CACNA1D: variants seen among roughly 807,000 people sequenced by gnomAD.
CACNA1D encodes calcium voltage-gated channel subunit alpha1 D.
Under a neutral mutation model 257.1 loss-of-function variants are expected in CACNA1D, and 55 were observed. That is an observed-to-expected ratio of 0.21 (90% CI 0.17 to 0.27). The LOEUF (loss-of-function observed/expected upper bound fraction) is 0.27. Ranked by LOEUF, CACNA1D falls within the 10% of genes least tolerant of loss-of-function variation. The pLI, the probability that CACNA1D is intolerant of heterozygous loss-of-function variation, is 1.00. For synonymous variants in CACNA1D, 980 were observed against 1,014.9 expected, an observed-to-expected ratio of 0.97 and a Z score of 0.65; for missense variants, 1,876 against 2,784.0, an observed-to-expected ratio of 0.67 and a Z score of 7.34.
chr3:53,793,557 G>A lies in CACNA1D; in HGVS notation c.4923+6605G>A, dbSNP rs1239475450. Among the ~76,000 whole-genome samples, 8 of 152,290 alleles carry A rather than the reference G, an allele frequency of 5.3e-5. No individual in the cohort carries two copies. The highest frequency in any genetic ancestry group is 4.2e-4 in the South Asian group (2 of 4,818). ...CGGCGTTTCCATGTGCCTTCTCCAC[G>A]CTCCTCAAATAAGTAAAAACTGACA... is the stretch of plus-strand genomic sequence containing the variant. On this transcript the variant is annotated intron_variant, in intron 40 of 47. Coordinates refer to ENST00000350061, the MANE Select transcript of CACNA1D (RefSeq NM_001128840.3). The surrounding 1 kb of genome is among the most constrained non-coding windows in gnomAD (Gnocchi z 4.1).
At chr3:53,808,272 G>A (rs1199048955) in intron 45 of CACNA1D, 1 of 267,816 alleles carries the variant, frequency 3.7e-6, no homozygotes, top group Non-Finnish European at 7.3e-6. Context: ...ATAGTAGCCG[G>A]GCGTGGTGGC....
chr3:53,674,438 C>T (rs2094354272), intron 8 of CACNA1D, among the ~76,000 whole-genome samples: 2 of 152,192 alleles, frequency 1.3e-5, no homozygotes, highest in South Asian at 2.1e-4. Context: ...GAGTGATGAT[C>T]GACTTTTGTG....
Position 53,745,744 on chromosome 3 carries a change from C to T in CACNA1D, c.3114+13C>T, listed in dbSNP as rs2095162115. ...CCAGTTGTTCAAGGTAGAGGAACTG[C>T]CTCCAAGCATAAAACTCAGGTGGAT... On this transcript the variant is annotated intron_variant, in intron 24 of 47. Coordinates refer to ENST00000350061, the MANE Select transcript of CACNA1D (RefSeq NM_001128840.3). The T allele has an allele frequency of 6.2e-7, 1 of 1,601,548 alleles. No homozygotes were observed.
intron 3 of CACNA1D, among the ~76,000 whole-genome samples, chr3:53,583,872 C>T (rs2093171360): frequency 6.6e-6 from 1 of 152,142 alleles, no homozygotes; most frequent in Non-Finnish European, 1.5e-5. Context: ...GAAGAGTGGG[C>T]CCCTTCATAG....
intron 3 of CACNA1D, among the ~76,000 whole-genome samples, chr3:53,513,148 C>T (rs914974209): frequency 6.6e-6 from 1 of 152,160 alleles, no homozygotes; most frequent in African/African-American, 2.4e-5. Flanking sequence ...GCCTTTGTTA[C>T]TAGCTGACAT....
chr3:53,665,531 G>A (rs2094252945), intron 5 of CACNA1D, 129 bp from the exon 6 acceptor site: 1 of 757,556 alleles, frequency 1.3e-6, no homozygotes, highest in Middle Eastern at 2.4e-4. Flanking sequence ...TTAATGAAAA[G>A]CTTTGAAATA....
chr3:53,583,301 G>T (rs531629910), intron 3 of CACNA1D, among the ~76,000 whole-genome samples: 1 of 151,804 alleles, frequency 6.6e-6, no homozygotes, highest in African/African-American at 2.4e-5. Flanking sequence ...TCCAATGTCC[G>T]TCTTCCTGCC....
chr3:53,803,069 G>A (rs538820088), intron 43 of CACNA1D, among the ~76,000 whole-genome samples: 1 of 152,168 alleles, frequency 6.6e-6, no homozygotes, highest in Non-Finnish European at 1.5e-5. Flanking sequence ...GGAGGGATCA[G>A]AGCAGATGCC....
chr3:53,672,758 CTGTGTGTGTG>C (rs57956658), intron 7 of CACNA1D, among the ~76,000 whole-genome samples: 6,874 of 95,012 alleles, frequency 0.072, 297 homozygotes, highest in East Asian at 0.12. Context: ...CTTGATGACT[CTGTGTGTGTG>C]TGTGTGTGTG....
At chr3:53,780,300 G>A (rs908337058) in intron 38 of CACNA1D, among the ~76,000 whole-genome samples, 172 bp downstream of exon 38, 1 of 152,218 alleles carries the variant, frequency 6.6e-6, no homozygotes, top group Non-Finnish European at 1.5e-5. Flanking sequence ...CCTGCCTCCT[G>A]TTTCCTCATC....
chr3:53,655,242 T>C (rs2108298264), intron 4 of CACNA1D, among the ~76,000 whole-genome samples: 1 of 152,346 alleles, frequency 6.6e-6, no homozygotes, highest in Non-Finnish European at 1.5e-5. Flanking sequence ...GTTGATTCCA[T>C]GTCTTTGCTA....
intron 19 of CACNA1D, among the ~76,000 whole-genome samples, chr3:53,734,415 T>G (rs749182664): frequency 6.6e-5 from 10 of 152,072 alleles, no homozygotes; most frequent in African/African-American, 1.7e-4. Flanking sequence ...TTTAAATATA[T>G]GTGTATACAT....
chr3:53,753,583 G>T lies in CACNA1D; in HGVS notation c.3687G>T (p.Gln1229His). ...TLCLAMQHYE[Q>H]SKMFNDAMDI... is the part of the protein sequence containing the mutation. ...GTCTTCATCCATAGCACTACGAGCA[G>T]TCCAAGATGTTCAATGATGCCATGG... Residue 1229 changes from glutamine (Q) to histidine (H), a missense_variant, in exon 29 of 48, where the codon CAG becomes CAT. Around this residue, in one of 10 missense-constraint regions of CACNA1D, gnomAD observed 204 missense variants for 309.4 expected, o/e 0.66. Coordinates refer to ENST00000350061, the MANE Select transcript of CACNA1D (RefSeq NM_001128840.3). 1 of 1,606,674 alleles carries T rather than the reference G, an allele frequency of 6.2e-7. No individual in the cohort carries two copies. Among genetic ancestry groups the T allele is most frequent in the Non-Finnish European group, 8.5e-7 (1 of 1,173,158 alleles).
At chr3:53,649,245 G>C (rs1469109373) in intron 3 of CACNA1D, among the ~76,000 whole-genome samples, 1 of 152,072 alleles carries the variant, frequency 6.6e-6, no homozygotes, top group African/African-American at 2.4e-5. Flanking sequence ...CAGGCTTATG[G>C]GAATCATCCT....
intron 39 of CACNA1D, 106 bp from the exon 40 acceptor site, chr3:53,786,716 C>CA: frequency 1.5e-5 from 8 of 540,388 alleles, no homozygotes; most frequent in East Asian, 4.4e-5. Context: ...CCGGACCGCC[C>CA]ACCCGCCCCA....
chr3:53,684,621 C>CAAAAAAAAAAAAAAAAAA (rs60026644), intron 8 of CACNA1D, among the ~76,000 whole-genome samples: 1 of 84,508 alleles, frequency 1.2e-5, no homozygotes, highest in Non-Finnish European at 2.3e-5. Flanking sequence ...GAAACTCTGT[C>CAAAAAAAAAAAAAAAAAA]AAAAAAAAAA....
At position 53,509,185 on chromosome 3, in the gene CACNA1D, C is replaced by G. The variant is rs528226403; in HGVS notation, c.483+7465C>G. Among the ~76,000 whole-genome samples the G allele has an allele frequency of 4.6e-5, 7 of 150,700 alleles. No homozygotes were observed. The South Asian group carries it at 1.5e-3, about 31-fold the overall frequency. ...AGGGTGTTTGGCTGGGCAGGCAAAGCCGGAAATGGGTGGTATGGAGGAAGA... is the reference window on the plus strand; with the variant it reads ...AGGGTGTTTGGCTGGGCAGGCAAAGGCGGAAATGGGTGGTATGGAGGAAGA... On this transcript the variant is annotated intron_variant, in intron 3 of 47. Transcript: ENST00000350061.
intron 3 of CACNA1D, among the ~76,000 whole-genome samples, chr3:53,641,055 C>T (rs2093944533): frequency 6.6e-6 from 1 of 152,130 alleles, no homozygotes; most frequent in African/African-American, 2.4e-5. Context: ...GACGTGAAGA[C>T]CGTACCTTCC....
intron 3 of CACNA1D, among the ~76,000 whole-genome samples, chr3:53,555,467 T>TTG (rs1457969650): frequency 2.8e-5 from 4 of 145,324 alleles, no homozygotes; most frequent in Non-Finnish European, 4.5e-5. Flanking sequence ...TGTGTTTTTT[T>TTG]TTTTTTTTTT....
Sources: gnomAD v4.1 joint callset for allele counts (sites outside exome capture counted in the v4.1 genomes callset) on GRCh38, gnomAD v4.1.1 for gene constraint, gnomAD v4.1.1 regional missense constraint, Gnocchi (gnomAD v3.1) non-coding constraint, MANE v1.5 for transcripts, NCBI Gene and HGNC (gene_info 2026-07-23, HGNC 2026-07-21) for gene names.